Variants in ARNT2 observed in about 807,000 individuals in gnomAD.
ARNT2 encodes ARNT protein 2.
Under a neutral mutation model 91.7 loss-of-function variants are expected in ARNT2, and 36 were observed. That is an observed-to-expected ratio of 0.39 (90% CI 0.30 to 0.52). The LOEUF is 0.52. Among genes scored for constraint, ARNT2 ranks in the 20% least tolerant of loss-of-function variants. ARNT2 has a pLI of 0.72. For synonymous variants in ARNT2, 365 were observed against 347.1 expected (o/e 1.05, Z -0.57); for missense variants, 775 against 939.3 (o/e 0.83, Z 2.29).
intron 9 of ARNT2, 79 bp from the exon 10 acceptor site, chr15:80,552,561 A>C: frequency 6.6e-7 from 1 of 1,522,748 alleles, no homozygotes; most frequent in Admixed American, 1.8e-5. Context: ...ATGCACATGG[A>C]TTATTCTTCT....
chr15:80,551,897 G>T (rs762501623), intron 9 of ARNT2, among the ~76,000 whole-genome samples: 1 of 152,082 alleles, frequency 6.6e-6, no homozygotes, highest in Non-Finnish European at 1.5e-5. Context: ...TTCACTGTCT[G>T]TTGCAGGTAG....
At chr15:80,562,922 T>A in intron 11 of ARNT2, 166 bp from the exon 12 acceptor site, 2 of 739,752 alleles carry the variant, frequency 2.7e-6, no homozygotes, top group Non-Finnish European at 4.7e-6. Context: ...ACGGAGGAGT[T>A]CCCATTGCAA....
intron 1 of ARNT2, among the ~76,000 whole-genome samples, chr15:80,430,418 G>T (rs771700055): frequency 1.8e-4 from 27 of 152,322 alleles, no homozygotes; most frequent in Non-Finnish European, 4.0e-4. Context: ...CAAACCAGAT[G>T]ATCAAAGCCA....
Position 80,475,239 on chromosome 15 carries a change from T to A in ARNT2, c.622+16T>A. 6.2e-7 allele frequency: 1 copy of A among 1,612,988 alleles called. No individual in the cohort carries two copies. Among genetic ancestry groups the A allele is most frequent in the Non-Finnish European group, 8.5e-7 (1 of 1,179,552 alleles). Reference sequence around the variant, plus strand: ...TCAATGACAGGTCAGTGGAGCTCCCTTTATGAGGCTGTTTGACTCTAGAAA... The same window carrying A: ...TCAATGACAGGTCAGTGGAGCTCCCATTATGAGGCTGTTTGACTCTAGAAA... On this transcript the variant is annotated intron_variant, in intron 5 of 18. Transcript: ENST00000303329.
At chr15:80,423,553 C>T (rs549934952) in intron 1 of ARNT2, among the ~76,000 whole-genome samples, 2 of 152,134 alleles carry the variant, frequency 1.3e-5, no homozygotes, top group African/African-American at 4.8e-5. Flanking sequence ...ATGTATCTTC[C>T]TGAATAAAAG....
intron 2 of ARNT2, among the ~76,000 whole-genome samples, chr15:80,451,744 AC>A (rs1896395785): frequency 6.6e-6 from 1 of 151,960 alleles, no homozygotes; most frequent in South Asian, 2.1e-4. Flanking sequence ...CAACCAATCA[AC>A]CAACCAACCA....
At position 80,591,602 on chromosome 15, in the gene ARNT2, G is replaced by A. The variant is rs142382200; in HGVS notation, c.1953G>A (p.Gly651=). 8.7e-6 allele frequency: 14 copies of A among 1,614,060 alleles called. No homozygotes were observed. Among genetic ancestry groups the A allele is most frequent in the African/African-American group, 2.7e-5 (2 of 74,924 alleles). The change falls in exon 18 of 19, where the codon GGG becomes GGA. Residue 651 remains glycine, a synonymous_variant. Transcript: ENST00000303329. The surrounding 1 kb of genome is among the most constrained non-coding windows in gnomAD (Gnocchi z 5.1). The part of the protein sequence containing the change: ...ESGQSSGQFQ[G]RPSEVWSQWQ... Reference sequence around the variant, plus strand: ...GACAAAGTAGCGGGCAGTTCCAAGGGCGGCCCTCGGAAGTCTGGTCGCAGT... The same window carrying A: ...GACAAAGTAGCGGGCAGTTCCAAGGACGGCCCTCGGAAGTCTGGTCGCAGT...
intron 13 of ARNT2, 137 bp downstream of exon 13, chr15:80,574,357 T>C (rs966678372): frequency 7.5e-5 from 60 of 799,014 alleles, no homozygotes; most frequent in Non-Finnish European, 1.1e-4. Flanking sequence ...AGAGCAGACC[T>C]ACAGGTCCCC....
At chr15:80,450,737 G>A in intron 1 of ARNT2, 143 bp from the exon 2 acceptor site, 1 of 785,902 alleles carries the variant, frequency 1.3e-6, no homozygotes, top group South Asian at 1.4e-5. Context: ...CAGCCACATA[G>A]CTGATGATGG....
intron 8 of ARNT2, among the ~76,000 whole-genome samples, chr15:80,522,008 G>A (rs74027817): frequency 0.018 from 2,672 of 152,026 alleles, 84 homozygotes; most frequent in African/African-American, 0.061. Context: ...TTGTATATGA[G>A]GCCTTCCATG....
Position 80,475,076 on chromosome 15 carries a change from C to A in ARNT2, c.475C>A (p.Arg159=), listed in dbSNP as rs762786652. The change falls in exon 5 of 19, where the codon CGA becomes AGA. Residue 159 remains arginine, a synonymous_variant. Transcript: ENST00000303329. ...FLFVVAAETG[R]VIYVSDSVTP... is the part of the protein sequence containing the mutation. ...GTTTGTGGTGGCTGCTGAGACAGGG[C>A]GAGTGATTTATGTGTCTGACTCCGT... 1.1e-5 allele frequency: 17 copies of A among 1,614,094 alleles called. No homozygotes were observed. The highest frequency in any genetic ancestry group is 1.4e-5 in the Non-Finnish European group (16 of 1,180,032).
intron 5 of ARNT2, among the ~76,000 whole-genome samples, chr15:80,478,951 T>C (rs1364377284): frequency 6.6e-6 from 1 of 152,212 alleles, no homozygotes; most frequent in Non-Finnish European, 1.5e-5. Context: ...TGGTCCACTT[T>C]GGGAGAGTCA....
intron 17 of ARNT2, among the ~76,000 whole-genome samples, chr15:80,585,338 G>A (rs539263195): frequency 6.6e-6 from 1 of 152,184 alleles, no homozygotes; most frequent in Non-Finnish European, 1.5e-5. Context: ...TGTTGTGCCT[G>A]TAGGGCCCAG....
At chr15:80,443,270 G>A (rs1896223477) in intron 1 of ARNT2, among the ~76,000 whole-genome samples, 1 of 152,224 alleles carries the variant, frequency 6.6e-6, no homozygotes, top group African/African-American at 2.4e-5. Context: ...AGCCAGAGAG[G>A]TAGGCTGGAG....
chr15:80,589,675 C>G (rs1285609628), intron 17 of ARNT2, among the ~76,000 whole-genome samples: 1 of 152,218 alleles, frequency 6.6e-6, no homozygotes, highest in Non-Finnish European at 1.5e-5. Flanking sequence ...TGGGAATTTC[C>G]TCGTAGCTCC....
Position 80,597,284 on chromosome 15 carries a change from G to A in ARNT2, c.*3586G>A, listed in dbSNP as rs150876795. 28 of 518,462 alleles carry A rather than the reference G, an allele frequency of 5.4e-5. No individual in the cohort carries two copies. The highest frequency in any genetic ancestry group is 5.2e-4 in the African/African-American group (27 of 51,868). The allele number at this position is 518,462 out of a possible 1,614,324, so 32.1% of individuals were successfully genotyped here. On this transcript the variant is annotated 3_prime_UTR_variant, in exon 19 of 19. Transcript: ENST00000303329. ...GTGAACGCTCACCTTGCTCCGTCAC[G>A]GTTCTGACCTACCACATAAACAGGA...
chr15:80,404,616 G>T lies in ARNT2; in HGVS notation c.31+70G>T. ...CTTGCCCGGGGCCGGAGCGGACCAG[G>T]CGCGCCGGGCGCCCCCGGGGGCGCG... On this transcript the variant is annotated intron_variant, in intron 1 of 18. Transcript: ENST00000303329. This position sits in a 1 kb window ranked among gnomAD's most constrained non-coding sequence, Gnocchi z 5.5. 1 of 986,522 alleles carries T rather than the reference G, an allele frequency of 1.0e-6. No individual in the cohort carries two copies. The highest frequency in any genetic ancestry group is 4.6e-5 in the South Asian group (1 of 21,542). 61.1% of individuals were successfully genotyped at this position (986,522 alleles called of 1,614,324 possible).
At chr15:80,491,241 T>C (rs1172134964) in intron 5 of ARNT2, among the ~76,000 whole-genome samples, 5 of 152,180 alleles carry the variant, frequency 3.3e-5, no homozygotes, top group Admixed American at 1.3e-4. Context: ...AGAGGTTTCA[T>C]GGCCTTACAG....
chr15:80,420,447 T>C (rs1895846489), intron 1 of ARNT2, among the ~76,000 whole-genome samples: 1 of 152,154 alleles, frequency 6.6e-6, no homozygotes, highest in Non-Finnish European at 1.5e-5. Context: ...TCTGAGCATG[T>C]TTAAGGTAGG....
Sources: allele counts gnomAD v4.1 joint callset (sites outside exome capture counted in the v4.1 genomes callset), GRCh38; gene constraint gnomAD v4.1.1; non-coding constraint Gnocchi (gnomAD v3.1); transcripts MANE v1.5; gene names NCBI Gene and HGNC (gene_info 2026-07-23, HGNC 2026-07-21).